CNTN5: variants seen among roughly 807,000 people sequenced by gnomAD.
CNTN5 encodes contactin 5.
A neutral mutation model predicts 129.1 loss-of-function variants in CNTN5; 77 were observed. The ratio of observed to expected loss-of-function variants is 0.60; its 90% CI spans 0.50 to 0.72. The LOEUF (loss-of-function observed/expected upper bound fraction) is 0.72. Among genes scored for constraint, CNTN5 ranks in the 30% least tolerant of loss-of-function variants. CNTN5 has a pLI of 0.00. For missense variants in CNTN5, 1,478 were observed against 1,328.8 expected (o/e 1.11, Z -1.75); for synonymous variants, 509 against 465.6 (o/e 1.09, Z -1.20).
intron 8 of CNTN5, among the ~76,000 whole-genome samples, chr11:99,973,552 G>C (rs1439192046): frequency 6.6e-6 from 1 of 152,016 alleles, no homozygotes; most frequent in Non-Finnish European, 1.5e-5. Context: ...TGAATATCCA[G>C]TAAGGTATTT....
intron 9 of CNTN5, among the ~76,000 whole-genome samples, chr11:100,027,469 A>G (rs1025118347): frequency 1.3e-5 from 2 of 152,150 alleles, no homozygotes; most frequent in African/African-American, 4.8e-5. Context: ...TATTTTCCAC[A>G]TGGATGTTAG....
intron 9 of CNTN5, among the ~76,000 whole-genome samples, chr11:100,050,711 A>G (rs551214779): frequency 6.6e-6 from 1 of 152,026 alleles, no homozygotes; most frequent in South Asian, 2.1e-4. Flanking sequence ...ATGATTTTTT[A>G]TATATGAAGA....
chr11:99,283,815 G>A lies in CNTN5; in HGVS notation c.-209-41531G>A, dbSNP rs975074186. Reference sequence around the variant, plus strand: ...AGATTCAACTGTATTGGAATGAAGGGAATAGGAAAGGATATTAAACTTTGG... The same window carrying A: ...AGATTCAACTGTATTGGAATGAAGGAAATAGGAAAGGATATTAAACTTTGG... On this transcript the variant is annotated intron_variant, in intron 1 of 24. Transcript: ENST00000524871. 3.9e-5 allele frequency among the ~76,000 whole-genome samples: 6 copies of A among 152,182 alleles called. No homozygotes were observed. In the East Asian group the frequency reaches 1.2e-3, roughly 29 times the overall value.
chr11:100,212,718 G>A (rs990279022), intron 15 of CNTN5, among the ~76,000 whole-genome samples: 2 of 151,944 alleles, frequency 1.3e-5, no homozygotes, highest in Non-Finnish European at 2.9e-5. Context: ...TAGTTCTAAA[G>A]TTTGGTGATT....
chr11:100,170,888 C>CAA (rs1201137380), intron 13 of CNTN5, among the ~76,000 whole-genome samples: 6 of 82,804 alleles, frequency 7.2e-5, no homozygotes, highest in African/African-American at 4.9e-4. Context: ...TATCCTGAAA[C>CAA]AAAAACAAAA....
intron 6 of CNTN5, among the ~76,000 whole-genome samples, chr11:99,900,785 T>C (rs1949336424): frequency 6.6e-6 from 1 of 152,188 alleles, no homozygotes; most frequent in South Asian, 2.1e-4. Flanking sequence ...ATACATGATG[T>C]TTTGTTCCTG....
chr11:99,083,842 G>A (rs564886751), intron 1 of CNTN5, among the ~76,000 whole-genome samples: 1 of 152,178 alleles, frequency 6.6e-6, no homozygotes, highest in East Asian at 1.9e-4. Context: ...ACCGCACCAG[G>A]CCCTTGAGGC....
chr11:99,562,016 A>T (rs2135552916), intron 3 of CNTN5, among the ~76,000 whole-genome samples: 1 of 152,294 alleles, frequency 6.6e-6, no homozygotes, highest in Non-Finnish European at 1.5e-5. Flanking sequence ...GAAAAACTGC[A>T]GACACAGGAC....
At chr11:99,506,685 T>A (rs1217932917) in intron 2 of CNTN5, among the ~76,000 whole-genome samples, 2 of 152,230 alleles carry the variant, frequency 1.3e-5, no homozygotes, top group Non-Finnish European at 2.9e-5. Context: ...GTAACGTAAA[T>A]AAGTAAAATT....
intron 1 of CNTN5, among the ~76,000 whole-genome samples, chr11:99,247,207 A>G (rs1861855879): frequency 6.6e-6 from 1 of 152,124 alleles, no homozygotes; most frequent in Admixed American, 6.6e-5. Context: ...GGAAGATTTA[A>G]GTATAGATTT....
chr11:99,668,171 T>C (rs1301993506), intron 3 of CNTN5, among the ~76,000 whole-genome samples: 2 of 152,084 alleles, frequency 1.3e-5, no homozygotes, highest in Non-Finnish European at 2.9e-5. Context: ...GTTGCCAAGC[T>C]TGGCATAAAG....
At position 99,251,861 on chromosome 11, in the gene CNTN5, G is replaced by A. The variant is rs536630792; in HGVS notation, c.-209-73485G>A. Among the ~76,000 whole-genome samples, 14 of 152,014 alleles carry A rather than the reference G, an allele frequency of 9.2e-5. 1 individual carries two copies. The highest frequency in any genetic ancestry group is 6.8e-3 in the Middle Eastern group (2 of 294). Reference sequence around the variant, plus strand: ...TATGGAGAAGCTTTTGTGTCCTGTCGTGAGGAAAACAGTGAGAGAGATAAA... The same window carrying A: ...TATGGAGAAGCTTTTGTGTCCTGTCATGAGGAAAACAGTGAGAGAGATAAA... On this transcript the variant is annotated intron_variant, in intron 1 of 24. Coordinates refer to ENST00000524871, the MANE Select transcript of CNTN5 (RefSeq NM_014361.4).
intron 3 of CNTN5, among the ~76,000 whole-genome samples, chr11:99,654,567 AT>A (rs1480368063): frequency 3.3e-5 from 5 of 152,244 alleles, no homozygotes; most frequent in Admixed American, 6.6e-5. Flanking sequence ...AGATTTTCTG[AT>A]CTACATCTAC....
chr11:99,143,646 T>G (rs958321288), intron 1 of CNTN5, among the ~76,000 whole-genome samples: 3 of 152,146 alleles, frequency 2.0e-5, no homozygotes, highest in Non-Finnish European at 4.4e-5. Flanking sequence ...TATTAAGTTA[T>G]GTGCACTACT....
At position 99,382,845 on chromosome 11, in the gene CNTN5, C is replaced by CCTTTTTTTTTTTTT. The variant is rs1417732458; in HGVS notation, c.-71+57361_-71+57362insCTTTTTTTTTTTTT. On this transcript the variant is annotated intron_variant, in intron 2 of 24. Transcript: ENST00000524871. The stretch of plus-strand genomic sequence containing the variant: ...ACATCTCACTAGTGTCTCTAAATAA[C>CCTTTTTTTTTTTTT]TTTTTTTTTTTTTTTTTTTTTTTTT... 5.2e-4 allele frequency among the ~76,000 whole-genome samples: 40 copies of CCTTTTTTTTTTTTT among 77,046 alleles called. 5 individuals carry two copies. The East Asian group carries it at 0.016, about 31-fold the overall frequency. The allele number at this position is 77,046 out of a possible 152,430, so 50.5% of individuals were successfully genotyped here. A position where few individuals can be genotyped will look rare whatever the true frequency, so the allele number is the denominator to read the frequency against.
At chr11:100,071,253 T>C (rs1943910147) in intron 11 of CNTN5, among the ~76,000 whole-genome samples, 1 of 152,146 alleles carries the variant, frequency 6.6e-6, no homozygotes, top group South Asian at 2.1e-4. Context: ...AAACTCCTGA[T>C]TGGATCCATA....
intron 1 of CNTN5, among the ~76,000 whole-genome samples, chr11:99,213,522 G>A (rs1859953186): frequency 6.7e-6 from 1 of 149,278 alleles, no homozygotes; most frequent in South Asian, 2.1e-4. Context: ...CCTGAGGGTT[G>A]GCTCTTTCCT....
chr11:100,318,598 T>C (rs502058), intron 21 of CNTN5, among the ~76,000 whole-genome samples: 70,805 of 152,064 alleles, frequency 0.47, 18,674 homozygotes, highest in East Asian at 0.94. Flanking sequence ...TTTACAAATA[T>C]TTGAACATTT....
At chr11:100,034,322 CTG>C (rs1941870461) in intron 9 of CNTN5, among the ~76,000 whole-genome samples, 1 of 152,206 alleles carries the variant, frequency 6.6e-6, no homozygotes, top group African/African-American at 2.4e-5. Context: ...TATTATCTAA[CTG>C]TGTAAGCCAC....
Sources: allele counts gnomAD v4.1 joint callset (sites outside exome capture counted in the v4.1 genomes callset), GRCh38; gene constraint gnomAD v4.1.1; transcripts MANE v1.5; gene names NCBI Gene and HGNC (gene_info 2026-07-23, HGNC 2026-07-21).